The following CCDC80 variants were observed in gnomAD, a reference collection of about 807,000 sequenced individuals.
CCDC80 encodes the protein coiled-coil domain-containing protein 80.
A neutral mutation model predicts 78.7 loss-of-function variants in CCDC80; 49 were observed. The ratio of observed to expected loss-of-function variants is 0.62; its 90% confidence interval spans 0.50 to 0.79. The LOEUF is 0.79. Among genes scored for constraint, CCDC80 ranks in the 30% least tolerant of loss-of-function variants. The pLI is 0.00. For missense variants in CCDC80, 1,205 were observed against 1,198.6 expected, an observed-to-expected ratio of 1.01 and a Z score of -0.08; for synonymous variants, 488 against 447.0, an observed-to-expected ratio of 1.09 and a Z score of -1.16.
At chr3:112,611,692 A>G (rs1319290589) in intron 5 of CCDC80, among the ~76,000 whole-genome samples, 2 of 152,196 alleles carry the variant, frequency 1.3e-5, no homozygotes, top group Non-Finnish European at 2.9e-5. Flanking sequence ...AAGAGGGTAT[A>G]AAAAGAGAGA....
intron 4 of CCDC80, among the ~76,000 whole-genome samples, chr3:112,618,544 A>AG: frequency 6.6e-6 from 1 of 151,824 alleles, no homozygotes; most frequent in Non-Finnish European, 1.5e-5. Context: ...TAAAAAAAAA[A>AG]CAACCCCAAA....
chr3:112,628,806 A>G (rs979912005), intron 3 of CCDC80, among the ~76,000 whole-genome samples: 4 of 152,210 alleles, frequency 2.6e-5, no homozygotes, highest in African/African-American at 9.7e-5. Flanking sequence ...ATTGGAAAAG[A>G]TGCTATTTAT....
At chr3:112,628,518 G>A (rs780234006) in intron 3 of CCDC80, among the ~76,000 whole-genome samples, 1 of 152,088 alleles carries the variant, frequency 6.6e-6, no homozygotes, top group Non-Finnish European at 1.5e-5. Context: ...TGGCATTTCT[G>A]TATACTATCT....
At chr3:112,618,836 G>T (rs1288090799) in intron 4 of CCDC80, 132 bp downstream of exon 4, 2 of 888,432 alleles carry the variant, frequency 2.3e-6, no homozygotes, top group African/African-American at 3.5e-5. Context: ...GGAAAATTTG[G>T]CCCATCTCAA....
In CCDC80 at chr3:112,638,864, G is replaced by A; in HGVS notation, c.1042C>T (p.Pro348Ser). The change falls in exon 2 of 8, where the codon CCC becomes TCC. Residue 348 changes from proline to serine, a missense_variant. Pro to Ser is a moderately conservative substitution (Grantham distance 74, BLOSUM62 -1). Coordinates refer to ENST00000206423, the MANE Select transcript of CCDC80 (RefSeq NM_199511.3). The part of the protein sequence containing the change: ...APALPQPPST[P>S]RATTLPPAPA... ...GCAGGAGGAAGGGTGGTGGCTCTGG[G>A]GGTTGAGGGAGGTTGGGGCAAAGCT... 1 of 1,613,678 alleles carries A rather than the reference G, an allele frequency of 6.2e-7. No individual in the cohort carries two copies. Among genetic ancestry groups the A allele is most frequent in the Non-Finnish European group, 8.5e-7 (1 of 1,179,992 alleles).
Position 112,605,603 on chromosome 3 carries a change from C to T in CCDC80, c.2667G>A (p.Val889=), listed in dbSNP as rs754601181. 2 of 1,614,216 alleles carry T rather than the reference C, an allele frequency of 1.2e-6. No homozygotes were observed. Among genetic ancestry groups the T allele is most frequent in the East Asian group, 2.2e-5 (1 of 44,886 alleles). Residue 889 remains valine, a synonymous_variant, in exon 8 of 8, where the codon GTG becomes GTA. Coordinates refer to ENST00000206423, the MANE Select transcript of CCDC80 (RefSeq NM_199511.3). The stretch of plus-strand genomic sequence containing the variant: ...GTTGCATCGAATCAATTAAATCGTA[C>T]ACAATCACCATGGACCACATTGGGG... ...YPSPMWSMVI[V]YDLIDSMQLR...
chr3:112,637,088 A>C (rs1405212814), intron 2 of CCDC80, among the ~76,000 whole-genome samples: 3 of 152,192 alleles, frequency 2.0e-5, no homozygotes, highest in African/African-American at 7.2e-5. Flanking sequence ...AGTGATGGCC[A>C]AAACAGAGAG....
At position 112,630,186 on chromosome 3, in the gene CCDC80, G is replaced by A. The variant is rs1257246999; in HGVS notation, c.1962C>T (p.Thr654=). ...EYLESFCKMA[T]RKISVITIFG... ...AGATGGTGATCACAGAGATTTTCCTGGTAGCCATCTTGCAGAAACTTTCCA... is the reference window on the plus strand; with the variant it reads ...AGATGGTGATCACAGAGATTTTCCTAGTAGCCATCTTGCAGAAACTTTCCA... Residue 654 remains threonine, a synonymous_variant, in exon 3 of 8, where the codon ACC becomes ACT. Coordinates refer to ENST00000206423, the MANE Select transcript of CCDC80 (RefSeq NM_199511.3). The A allele has an allele frequency of 1.2e-6, 2 of 1,613,864 alleles. No homozygotes were observed. The highest frequency in any genetic ancestry group is 8.5e-7 in the Non-Finnish European group (1 of 1,179,810).
At chr3:112,633,383 G>A (rs1286627496) in intron 2 of CCDC80, among the ~76,000 whole-genome samples, 1 of 152,082 alleles carries the variant, frequency 6.6e-6, no homozygotes, top group Non-Finnish European at 1.5e-5. Flanking sequence ...CTAGCATGCA[G>A]GGATCACTTC....
At chr3:112,609,940 G>A in intron 6 of CCDC80, 38 bp downstream of exon 6, 1 of 1,371,996 alleles carries the variant, frequency 7.3e-7, no homozygotes. Flanking sequence ...GGAGGAGAGT[G>A]GTATGGGAAA....
rs1388319525 is a variant in CCDC80 at position 112,639,799 on chromosome 3, C to T, written c.107G>A (p.Arg36Gln). ...HATIRGSHGG[R>Q]KVPLVSPDSS... ...GTCCGGAGAAACCAAAGGCACTTTC[C>T]GTCCTCCGTGGCTGCCTCTAATAGT... The change falls in exon 2 of 8, where the codon CGG (arginine) becomes CAG (glutamine). Residue 36 changes from arginine (R) to glutamine (Q), a missense_variant. Coordinates refer to ENST00000206423, the MANE Select transcript of CCDC80 (RefSeq NM_199511.3). The T allele has an allele frequency of 3.1e-6, 5 of 1,614,040 alleles. No homozygotes were observed. Among genetic ancestry groups the T allele is most frequent in the African/African-American group, 1.3e-5 (1 of 74,892 alleles).
rs1175996036 is a variant in CCDC80, at chr3:112,638,170, T to C, written c.1736A>G (p.Glu579Gly). Reference protein sequence around the residue: ...MKKSEKKSKQEKEKSKKKKGG... With the variant: ...MKKSEKKSKQGKEKSKKKKGG... ...TTTTTTCTTCTTGCTCTTCTCTTTC[T>C]CTTGCTTGCTCTTTTTCTCAGACTT... is the stretch of plus-strand genomic sequence containing the variant. Residue 579 changes from glutamate to glycine, a missense_variant, in exon 2 of 8, where the codon GAG becomes GGG. Physicochemically the swap from Glu to Gly is moderately conservative, Grantham distance 98 (BLOSUM62 -2). Coordinates refer to ENST00000206423, the MANE Select transcript of CCDC80 (RefSeq NM_199511.3). The C allele has an allele frequency of 6.2e-7, 1 of 1,613,922 alleles. No homozygotes were observed. The highest frequency in any genetic ancestry group is 1.1e-5 in the South Asian group (1 of 91,084).
At chr3:112,628,376 A>C (rs1936023707) in intron 3 of CCDC80, among the ~76,000 whole-genome samples, 1 of 152,178 alleles carries the variant, frequency 6.6e-6, no homozygotes, top group Admixed American at 6.5e-5. Context: ...TGTAATCAGC[A>C]CAAAGCAATA....
At position 112,638,147 on chromosome 3, in the gene CCDC80, T is replaced by G. The variant is rs1406763385; in HGVS notation, c.1759A>C (p.Lys587Gln). 6.2e-7 allele frequency: 1 copy of G among 1,614,054 alleles called. No individual in the cohort carries two copies. Among genetic ancestry groups the G allele is most frequent in the Non-Finnish European group, 8.5e-7 (1 of 1,180,038 alleles). ...KQEKEKSKKK[K>Q]GGKTEQDGYQ... The stretch of plus-strand genomic sequence containing the variant: ...CCATCCTGTTCTGTTTTACCTCCTT[T>G]TTTCTTCTTGCTCTTCTCTTTCTCT... Residue 587 changes from lysine (K) to glutamine (Q), a missense_variant, in exon 2 of 8, where the codon AAA becomes CAA. Transcript: ENST00000206423.
In CCDC80 at chr3:112,607,269, A is replaced by C; in HGVS notation, c.2426-13T>G. On this transcript the variant is annotated splice_polypyrimidine_tract_variant and intron_variant, in intron 6 of 7. Transcript: ENST00000206423. ...ATGTGGCGCAGACCTGAGAGAAAAA[A>C]GAAAACCATAGGATTAGAGGAAAGG... 1 of 1,601,128 alleles carries C rather than the reference A, an allele frequency of 6.2e-7. No homozygotes were observed. The highest frequency in any genetic ancestry group is 8.5e-7 in the Non-Finnish European group (1 of 1,173,044).
chr3:112,627,746 G>A (rs1371575100), intron 3 of CCDC80, among the ~76,000 whole-genome samples: 1 of 151,880 alleles, frequency 6.6e-6, no homozygotes, highest in Non-Finnish European at 1.5e-5. Flanking sequence ...CAAGGAAAGA[G>A]AGGCCTTCCA....
chr3:112,626,876 T>C (rs918903102), intron 3 of CCDC80, among the ~76,000 whole-genome samples: 5 of 152,200 alleles, frequency 3.3e-5, no homozygotes, highest in Non-Finnish European at 5.9e-5. Context: ...AATTGACTTA[T>C]GAAGTCATTA....
chr3:112,619,234 T>G (rs777964641), intron 3 of CCDC80, 130 bp from the exon 4 acceptor site: 13 of 809,938 alleles, frequency 1.6e-5, no homozygotes, highest in Non-Finnish European at 2.3e-5. Context: ...TCACGTTGTG[T>G]TTGAACAAAA....
intron 2 of CCDC80, among the ~76,000 whole-genome samples, chr3:112,637,301 A>C (rs1033667725): frequency 6.6e-6 from 1 of 152,214 alleles, no homozygotes; most frequent in Admixed American, 6.5e-5. Context: ...TGAAGCAATT[A>C]ACCCAGTTCC....
Sources: gnomAD v4.1 joint callset for allele counts (sites outside exome capture counted in the v4.1 genomes callset) on GRCh38, gnomAD v4.1.1 for gene constraint, MANE v1.5 for transcripts, NCBI Gene and HGNC (gene_info 2026-07-23, HGNC 2026-07-21) for gene names.